Variants in UBXN7 observed in about 807,000 individuals in gnomAD.
UBXN7 encodes UBX domain protein 7.
A neutral mutation model predicts 58.0 loss-of-function variants in UBXN7; 9 were observed. The observed-to-expected ratio is 0.16, with a 90% CI of 0.09 to 0.27. The LOEUF (loss-of-function observed/expected upper bound fraction) is 0.27, where lower values mean the gene tolerates loss of function less well. Among genes scored for constraint, UBXN7 ranks in the 10% least tolerant of loss-of-function variants. UBXN7 has a pLI of 1.00. For synonymous variants in UBXN7, 208 were observed against 205.0 expected, an observed-to-expected ratio of 1.01 and a Z score of -0.12; for missense variants, 328 against 599.6, an observed-to-expected ratio of 0.55 and a Z score of 4.73.
chr3:196,359,905 C>G (rs951479781), intron 10 of UBXN7, among the ~76,000 whole-genome samples: 3 of 114,170 alleles, frequency 2.6e-5, no homozygotes, highest in African/African-American at 9.9e-5. Context: ...GACTCTGTCT[C>G]AAAAAAAAAA....
At chr3:196,374,984 A>AAGGAAGGAAGGG (rs1410306305) in intron 5 of UBXN7, among the ~76,000 whole-genome samples, 6 of 32,454 alleles carry the variant, frequency 1.8e-4, no homozygotes, top group Non-Finnish European at 2.9e-4. Flanking sequence ...GGAAGGAAGG[A>AAGGAAGGAAGGG]AGGGAGGGAG....
At position 196,348,872 on chromosome 3, in the gene UBXN7, A is replaced by G. The variant is rs1303309106; in HGVS notation, c.*7813T>C. The G allele has an allele frequency of 6.6e-6, 1 of 152,220 alleles. No individual in the cohort carries two copies. The highest frequency in any genetic ancestry group is 1.9e-4 in the East Asian group (1 of 5,202). The allele number at this position is 152,220 out of a possible 1,614,324, so 9.4% of individuals were successfully genotyped here. On this transcript the variant is annotated 3_prime_UTR_variant, in exon 11 of 11. Transcript: ENST00000296328. ...CAGAGCCTGCACAGACACTGCTGAGAGTTTCCAGGGAACAATCAATACCTA... is the reference window on the plus strand; with the variant it reads ...CAGAGCCTGCACAGACACTGCTGAGGGTTTCCAGGGAACAATCAATACCTA...
chr3:196,394,346 T>C (rs1729698423), intron 3 of UBXN7, among the ~76,000 whole-genome samples: 1 of 148,316 alleles, frequency 6.7e-6, no homozygotes, highest in South Asian at 2.1e-4. Context: ...ACACCTCCTG[T>C]AATCCCAGCA....
chr3:196,377,149 T>G (rs1002034019), intron 5 of UBXN7, among the ~76,000 whole-genome samples: 1 of 152,198 alleles, frequency 6.6e-6, no homozygotes, highest in Admixed American at 6.5e-5. Context: ...CTAATTAAAC[T>G]GCTTTAGACC....
At chr3:196,426,216 T>G (rs1730843416) in intron 1 of UBXN7, among the ~76,000 whole-genome samples, 5 of 151,836 alleles carry the variant, frequency 3.3e-5, no homozygotes, top group Admixed American at 3.3e-4. Flanking sequence ...AAACCCCATC[T>G]CCATTAAAAA....
intron 1 of UBXN7, among the ~76,000 whole-genome samples, chr3:196,427,771 A>G (rs1006905937): frequency 9.2e-5 from 14 of 152,226 alleles, no homozygotes; most frequent in Admixed American, 4.6e-4. Flanking sequence ...AGTATTGTAA[A>G]ATGTGGAATG....
rs1728272540 is a variant in UBXN7, at chr3:196,353,702, G to C, written c.*2983C>G. 1 of 151,854 alleles carries C rather than the reference G, an allele frequency of 6.6e-6. No homozygotes were observed. Among genetic ancestry groups the C allele is most frequent in the Non-Finnish European group, 1.5e-5 (1 of 67,972 alleles). The allele number at this position is 151,854 out of a possible 1,614,324, so 9.4% of individuals were successfully genotyped here. ...GGGTTTCACCATGTTGCTCAGGCTG[G>C]CCTCGATCTCCTGACCTTAGGTGAT... On this transcript the variant is annotated 3_prime_UTR_variant, in exon 11 of 11. Coordinates refer to ENST00000296328, the MANE Select transcript of UBXN7 (RefSeq NM_015562.2).
At position 196,432,390 on chromosome 3, in the gene UBXN7, G is replaced by A. The variant is rs202062701; in HGVS notation, c.10C>T (p.His4Tyr). The A allele has an allele frequency of 1.3e-6, 2 of 1,593,962 alleles. No individual in the cohort carries two copies. The highest frequency in any genetic ancestry group is 1.7e-6 in the Non-Finnish European group (2 of 1,166,546). MAA[H>Y]GGSAASSALK... Reference sequence around the variant, plus strand: ...GCCGAGGACGCCGCGGAGCCCCCGTGGGCAGCCATCTTACCGCCGCCGCCG... The same window carrying A: ...GCCGAGGACGCCGCGGAGCCCCCGTAGGCAGCCATCTTACCGCCGCCGCCG... Residue 4 changes from histidine to tyrosine, a missense_variant, in exon 1 of 11, where the codon CAC (histidine) becomes TAC (tyrosine). By Grantham distance (83) the His-to-Tyr change is moderately conservative (BLOSUM62 2). This residue lies in a region of UBXN7 where 106 missense variants were observed against 124.3 expected (regional missense o/e 0.85). Transcript: ENST00000296328.
chr3:196,407,170 G>T, intron 2 of UBXN7, 76 bp downstream of exon 2: 1 of 1,527,782 alleles, frequency 6.5e-7, no homozygotes, highest in Non-Finnish European at 8.8e-7. Context: ...CCAGAGAATC[G>T]ACCTAGCTTT....
intron 5 of UBXN7, among the ~76,000 whole-genome samples, chr3:196,381,546 A>G (rs933539801): frequency 6.6e-6 from 1 of 152,258 alleles, no homozygotes; most frequent in African/African-American, 2.4e-5. Context: ...CAGAGCAGAA[A>G]AGATGAAAAT....
rs141814683 is a variant in UBXN7, at chr3:196,364,356, T to C, written c.835-1669A>G. 2.6e-3 allele frequency among the ~76,000 whole-genome samples: 391 copies of C among 152,308 alleles called. 2 individuals are homozygous for C. The highest frequency in any genetic ancestry group is 4.3e-3 in the Non-Finnish European group (293 of 68,018). On this transcript the variant is annotated intron_variant, in intron 8 of 10. Coordinates refer to ENST00000296328, the MANE Select transcript of UBXN7 (RefSeq NM_015562.2). ...CATTTTTAAGGGTATAATAATGACA[T>C]TGTGATAGTATTTTTAAAAATAAAA...
intron 5 of UBXN7, among the ~76,000 whole-genome samples, chr3:196,377,677 T>C (rs949255826): frequency 6.6e-6 from 1 of 152,118 alleles, no homozygotes; most frequent in Non-Finnish European, 1.5e-5. Context: ...CTCCTTTTTT[T>C]TTCTTTTGAG....
At chr3:196,403,929 T>C (rs559295154) in intron 2 of UBXN7, among the ~76,000 whole-genome samples, 2 of 152,238 alleles carry the variant, frequency 1.3e-5, no homozygotes, top group East Asian at 1.9e-4. Flanking sequence ...AGATATACTG[T>C]AAAAATGGTG....
chr3:196,361,034 G>T (rs1183538058), intron 10 of UBXN7, among the ~76,000 whole-genome samples: 1 of 152,094 alleles, frequency 6.6e-6, no homozygotes, highest in African/African-American at 2.4e-5. Context: ...AAATCTTCTG[G>T]AAAGGATTCA....
At chr3:196,407,094 A>G (rs1232147151) in intron 2 of UBXN7, 152 bp downstream of exon 2, 11 of 1,031,136 alleles carry the variant, frequency 1.1e-5, no homozygotes, top group Non-Finnish European at 8.2e-6. Context: ...AATTTAAAGT[A>G]TGTAACTACA....
At chr3:196,409,010 C>T (rs1730245647) in intron 1 of UBXN7, among the ~76,000 whole-genome samples, 1 of 152,094 alleles carries the variant, frequency 6.6e-6, no homozygotes, top group Admixed American at 6.6e-5. Context: ...TACTTATTTC[C>T]TCTGTAACTC....
rs1042660442 is a variant in UBXN7 at position 196,351,845 on chromosome 3, G to A, written c.*4840C>T. On this transcript the variant is annotated 3_prime_UTR_variant, in exon 11 of 11. Coordinates refer to ENST00000296328, the MANE Select transcript of UBXN7 (RefSeq NM_015562.2). Reference sequence around the variant, plus strand: ...AAATTAAATCTTTCCTTCATTTTTCGGTTGCTAGTGGCTCCCTCTGGTATT... The same window carrying A: ...AAATTAAATCTTTCCTTCATTTTTCAGTTGCTAGTGGCTCCCTCTGGTATT... 6.6e-6 allele frequency: 1 copy of A among 152,036 alleles called. No individual in the cohort carries two copies. Among genetic ancestry groups the A allele is most frequent in the Admixed American group, 6.5e-5 (1 of 15,272 alleles). The allele number at this position is 152,036 out of a possible 1,614,324, so 9.4% of individuals were successfully genotyped here.
chr3:196,359,500 G>A (rs1006508894), intron 10 of UBXN7, among the ~76,000 whole-genome samples: 2 of 152,206 alleles, frequency 1.3e-5, no homozygotes, highest in Non-Finnish European at 2.9e-5. Flanking sequence ...AGAAAGGCAC[G>A]TGGAAAGCTG....
chr3:196,385,556 A>C (rs1220422739), intron 5 of UBXN7, among the ~76,000 whole-genome samples: 1 of 151,314 alleles, frequency 6.6e-6, no homozygotes, highest in Non-Finnish European at 1.5e-5. Flanking sequence ...TGAGATGTGA[A>C]GAGCGCCTCG....
Sources: gnomAD v4.1 joint callset for allele counts (sites outside exome capture counted in the v4.1 genomes callset) on GRCh38, gnomAD v4.1.1 for gene constraint, gnomAD v4.1.1 regional missense constraint, MANE v1.5 for transcripts, NCBI Gene and HGNC (gene_info 2026-07-23, HGNC 2026-07-21) for gene names.